VPS53: variants seen among roughly 807,000 people sequenced by gnomAD.
VPS53 encodes VPS53 subunit of GARP complex.
VPS53 carries 70 observed loss-of-function variants against 107.0 expected under a neutral mutation model. That is an observed-to-expected ratio of 0.65 (90% CI 0.54 to 0.80). VPS53 has a LOEUF of 0.80. VPS53 is among the 30% of genes least tolerant of loss of function. The pLI, the probability that VPS53 is intolerant of heterozygous loss-of-function variation, is 0.00. For missense variants in VPS53, 917 were observed against 1,049.4 expected, an observed-to-expected ratio of 0.87 and a Z score of 1.74; for synonymous variants, 409 against 393.3, an observed-to-expected ratio of 1.04 and a Z score of -0.47.
chr17:653,097 T>C (rs1971022819), intron 7 of VPS53, 194 bp downstream of exon 7: 1 of 985,088 alleles, frequency 1.0e-6, no homozygotes. Flanking sequence ...TTCCCTCCAG[T>C]GACAGTTTAC....
At chr17:711,009 G>A (rs1462071460) in intron 1 of VPS53, among the ~76,000 whole-genome samples, 1 of 152,098 alleles carries the variant, frequency 6.6e-6, no homozygotes, top group African/African-American at 2.4e-5. Flanking sequence ...CTCAGGAGTT[G>A]GAGACTGGCC....
At position 520,212 on chromosome 17, in the gene VPS53, C is replaced by T. The variant is rs2151792178; in HGVS notation, c.2224-282G>A. On this transcript the variant is annotated intron_variant, in intron 20 of 21. Transcript: ENST00000437048. The surrounding 1 kb of genome is among the most constrained non-coding windows in gnomAD (Gnocchi z 4.4). ...TTGCTGAATCCTAAATACACCTGCG[C>T]TGCTGTTTGAAGTATGGGTTTCCGG... is the stretch of plus-strand genomic sequence containing the variant. Among the ~76,000 whole-genome samples the T allele has an allele frequency of 6.6e-6, 1 of 152,310 alleles. No homozygotes were observed. Among genetic ancestry groups the T allele is most frequent in the Admixed American group, 6.5e-5 (1 of 15,298 alleles).
intron 4 of VPS53, chr17:674,632 T>C (rs1196931843): frequency 1.3e-5 from 2 of 152,270 alleles, no homozygotes; most frequent in African/African-American, 4.8e-5. Flanking sequence ...TTCGTCATAC[T>C]GAGGGGGACC....
At chr17:667,455 G>C (rs974811959) in intron 4 of VPS53, among the ~76,000 whole-genome samples, 1 of 147,894 alleles carries the variant, frequency 6.8e-6, no homozygotes, top group Non-Finnish European at 1.5e-5. Flanking sequence ...GGGGGCAATG[G>C]GTTAATTACA....
intron 4 of VPS53, among the ~76,000 whole-genome samples, chr17:697,099 G>A (rs986134388): frequency 2.6e-5 from 4 of 152,300 alleles, no homozygotes; most frequent in East Asian, 3.9e-4. Context: ...CTCAGCTGAC[G>A]AATGCAGCAA....
intron 12 of VPS53, among the ~76,000 whole-genome samples, chr17:599,095 T>G (rs1968180029): frequency 7.6e-6 from 1 of 131,346 alleles, no homozygotes; most frequent in Non-Finnish European, 1.7e-5. Context: ...GGAGCCCCTC[T>G]GCCAGGCCAG....
rs143753570 is a variant in VPS53 at position 561,832 on chromosome 17, A to G, written c.1556+671T>C. Among the ~76,000 whole-genome samples the G allele has an allele frequency of 8.7e-3, 1,319 of 152,180 alleles. 12 individuals are homozygous for G. The highest frequency in any genetic ancestry group is 0.014 in the Non-Finnish European group (985 of 68,002). ...TTTAGTAGAGATGGGGTTTCACCAT[A>G]TTAGCCAGGCTGGTCTCAAACTCCT... is the stretch of plus-strand genomic sequence containing the variant. On this transcript the variant is annotated intron_variant, in intron 14 of 21. Transcript: ENST00000437048.
At chr17:586,596 A>G (rs917267477) in intron 12 of VPS53, among the ~76,000 whole-genome samples, 4 of 152,224 alleles carry the variant, frequency 2.6e-5, no homozygotes, top group East Asian at 1.9e-4. Context: ...CCTGGATAAC[A>G]TATGTGTTTT....
At chr17:582,753 ACTT>A (rs1035568319) in intron 13 of VPS53, among the ~76,000 whole-genome samples, 1 of 149,852 alleles carries the variant, frequency 6.7e-6, no homozygotes, top group African/African-American at 2.5e-5. Context: ...TTCCCAGAGA[ACTT>A]CTCTTAGAAC....
rs569361085 is a variant in VPS53, at chr17:536,859, T to A, written c.2015+169A>T. ...CCACTGTAACGAATGTGCCACTTTG[T>A]GTGTGGGGAGGTGTCGGTAATGGGA... On this transcript the variant is annotated intron_variant, in intron 18 of 21. Transcript: ENST00000437048. The A allele has an allele frequency of 2.7e-4, 206 of 760,764 alleles. 1 individual carries two copies. In the South Asian group the frequency reaches 3.7e-3, roughly 14 times the overall value. The allele number at this position is 760,764 out of a possible 1,614,324, so 47.1% of individuals were successfully genotyped here.
rs1258395272 is a variant in VPS53 at position 600,479 on chromosome 17, G to T, written c.1218+1316C>A. On this transcript the variant is annotated intron_variant, in intron 12 of 21. Transcript: ENST00000437048. ...GAGAACTGCATTTAATTAGTTACAA[G>T]AAACTGTTTGTTTTCTTCCATGCCA... is the stretch of plus-strand genomic sequence containing the variant. 2.6e-5 allele frequency among the ~76,000 whole-genome samples: 4 copies of T among 152,354 alleles called. No individual in the cohort carries two copies. In the East Asian group the frequency reaches 7.7e-4, roughly 29 times the overall value.
At chr17:628,450 G>A (rs1217594349) in intron 8 of VPS53, among the ~76,000 whole-genome samples, 1 of 152,172 alleles carries the variant, frequency 6.6e-6, no homozygotes, top group Non-Finnish European at 1.5e-5. Flanking sequence ...AAACTACCCT[G>A]TGAATCTGCA....
chr17:695,038 G>A (rs1972905768), intron 4 of VPS53, among the ~76,000 whole-genome samples: 1 of 152,192 alleles, frequency 6.6e-6, no homozygotes, highest in African/African-American at 2.4e-5. Flanking sequence ...TGTGGCCTAT[G>A]TGTAGTGAAA....
At chr17:685,011 T>A (rs1972534811) in intron 4 of VPS53, 1 of 151,912 alleles carries the variant, frequency 6.6e-6, no homozygotes, top group African/African-American at 2.4e-5. Flanking sequence ...AAAAAAAGAC[T>A]AATAAAGGAA....
intron 13 of VPS53, among the ~76,000 whole-genome samples, chr17:566,158 C>T (rs1913485170): frequency 6.7e-6 from 1 of 149,476 alleles, no homozygotes; most frequent in South Asian, 2.1e-4. Flanking sequence ...GAGCCGAGAT[C>T]CCGCCACTGC....
At chr17:713,460 C>A (rs940617635) in intron 1 of VPS53, among the ~76,000 whole-genome samples, 48 of 151,444 alleles carry the variant, frequency 3.2e-4, no homozygotes, top group African/African-American at 1.0e-3. Context: ...CAAGACCAGC[C>A]TGGCCAACAT....
intron 12 of VPS53, among the ~76,000 whole-genome samples, chr17:592,038 T>C (rs1392710638): frequency 6.6e-6 from 1 of 152,164 alleles, no homozygotes; most frequent in East Asian, 1.9e-4. Flanking sequence ...AGTCTCTTTG[T>C]AGGTCACTCA....
intron 11 of VPS53, among the ~76,000 whole-genome samples, chr17:614,317 T>C (rs1051652765): frequency 1.3e-5 from 2 of 152,182 alleles, no homozygotes; most frequent in Non-Finnish European, 2.9e-5. Flanking sequence ...GAGAAAACTG[T>C]ATTTAAAAAA....
intron 11 of VPS53, among the ~76,000 whole-genome samples, chr17:613,996 T>A (rs1039674508): frequency 2.6e-5 from 4 of 152,198 alleles, no homozygotes; most frequent in African/African-American, 9.7e-5. Flanking sequence ...GCAGACACTG[T>A]CCAGAGGGAG....
Sources: gnomAD v4.1 joint callset for allele counts (sites outside exome capture counted in the v4.1 genomes callset) on GRCh38, gnomAD v4.1.1 for gene constraint, Gnocchi (gnomAD v3.1) non-coding constraint, MANE v1.5 for transcripts, NCBI Gene and HGNC (gene_info 2026-07-23, HGNC 2026-07-21) for gene names.